The following PRKDC variants were observed in gnomAD, a reference collection of about 807,000 sequenced individuals.
The protein encoded by PRKDC is protein kinase, DNA-activated, catalytic subunit, also known as DNA-dependent protein kinase catalytic subunit.
In PRKDC, 82 loss-of-function variants were observed where a neutral mutation model predicts 486.9. The observed-to-expected ratio is 0.17, with a 90% confidence interval of 0.14 to 0.20. The LOEUF is 0.20. PRKDC is among the 10% of genes least tolerant of loss of function. The pLI, the probability that PRKDC is intolerant of heterozygous loss-of-function variation, is 1.00. For synonymous variants in PRKDC, 1,895 were observed against 1,837.0 expected, an observed-to-expected ratio of 1.03 and a Z score of -0.81; for missense variants, 4,504 against 5,038.2, an observed-to-expected ratio of 0.89 and a Z score of 3.21.
chr8:47,792,214 G>A (rs148797895), intron 74 of PRKDC, among the ~76,000 whole-genome samples: 1 of 151,716 alleles, frequency 6.6e-6, no homozygotes, highest in Non-Finnish European at 1.5e-5. Flanking sequence ...GGAAAAACAG[G>A]ATCTAGTATT....
At chr8:47,789,393 T>C (rs910300844) in intron 74 of PRKDC, among the ~76,000 whole-genome samples, 155 bp from the exon 75 acceptor site, 8 of 150,996 alleles carry the variant, frequency 5.3e-5, no homozygotes, top group Non-Finnish European at 8.9e-5. Context: ...ATCATATATA[T>C]ATAACCAACT....
At position 47,789,136 on chromosome 8, in the gene PRKDC, C is replaced by T. The variant is rs1237849063; in HGVS notation, c.10758+15G>A. The T allele has an allele frequency of 6.2e-7, 1 of 1,612,606 alleles. No homozygotes were observed. The highest frequency in any genetic ancestry group is 8.5e-7 in the Non-Finnish European group (1 of 1,179,166). ...ACTTATATGTTTTATGTGCCAGAAG[C>T]CGTTCTATCATTACCTTAAAGAGCA... On this transcript the variant is annotated intron_variant, in intron 75 of 85. Transcript: ENST00000314191.
At chr8:47,922,301 T>G (rs949271896) in intron 21 of PRKDC, among the ~76,000 whole-genome samples, 7 of 151,962 alleles carry the variant, frequency 4.6e-5, no homozygotes, top group South Asian at 2.1e-4. Context: ...TCCAGCTAAT[T>G]TTTAAAATTT....
In PRKDC at chr8:47,830,883, T is replaced by G. The variant is rs1046591623; in HGVS notation, c.8266-147A>C. On this transcript the variant is annotated intron_variant, in intron 60 of 85. Transcript: ENST00000314191. ...TCGCAGAGGCTCAGTCGCCGTACTT[T>G]ACCGTCTAGGGCAAACACTGCATCC... 37 of 932,090 alleles carry G rather than the reference T, an allele frequency of 4.0e-5. 1 individual carries two copies. Among genetic ancestry groups the G allele is most frequent in the Admixed American group, 1.6e-4 (7 of 44,508 alleles). 57.7% of individuals were successfully genotyped at this position (932,090 alleles called of 1,614,324 possible).
In PRKDC at chr8:47,943,203, T is replaced by C. The variant is rs1164491635; in HGVS notation, c.966+6A>G. ...TATTGTTAAATGACAGTTGAATTTG[T>C]GGTACCTGTTTCAGAAAGGATTCCA... On this transcript the variant is annotated splice_donor_region_variant and intron_variant, in intron 10 of 85. Transcript: ENST00000314191. 6.2e-6 allele frequency: 10 copies of C among 1,609,534 alleles called. No individual in the cohort carries two copies. Among genetic ancestry groups the C allele is most frequent in the African/African-American group, 1.3e-5 (1 of 74,698 alleles).
At chr8:47,957,944 G>T (rs1277605721) in intron 1 of PRKDC, among the ~76,000 whole-genome samples, 1 of 152,194 alleles carries the variant, frequency 6.6e-6, no homozygotes, top group Non-Finnish European at 1.5e-5. Flanking sequence ...TGGCCCCAAA[G>T]ATGCCTGCAT....
intron 31 of PRKDC, among the ~76,000 whole-genome samples, chr8:47,890,967 C>A (rs903394638): frequency 8.5e-5 from 13 of 152,188 alleles, no homozygotes; most frequent in African/African-American, 3.1e-4. Context: ...AGGACAGAGA[C>A]AAATTATGGA....
chr8:47,854,455 C>T (rs1337775238), intron 50 of PRKDC, among the ~76,000 whole-genome samples: 1 of 152,142 alleles, frequency 6.6e-6, no homozygotes. Flanking sequence ...TCTCCTGCCT[C>T]AGCCTCCCAA....
In PRKDC at chr8:47,943,511, T is replaced by C. The variant is rs8178007; in HGVS notation, c.809-145A>G. ...CACTACAGTAACCCAGGGATTCCTG[T>C]CAGAGCTCTAACACTACCAATTAAC... On this transcript the variant is annotated intron_variant, in intron 9 of 85. Coordinates refer to ENST00000314191, the MANE Select transcript of PRKDC (RefSeq NM_006904.7). 6.8e-4 allele frequency: 596 copies of C among 878,074 alleles called. 3 individuals carry two copies. The African/African-American group carries it at 9.6e-3, about 14-fold the overall frequency. The allele number at this position is 878,074 out of a possible 1,614,324, so 54.4% of individuals were successfully genotyped here.
intron 68 of PRKDC, among the ~76,000 whole-genome samples, chr8:47,809,768 C>G (rs117782174): frequency 1.3e-5 from 2 of 152,178 alleles, no homozygotes; most frequent in Non-Finnish European, 2.9e-5. Flanking sequence ...TCCCCAAGAA[C>G]TCTGAGTGAA....
intron 68 of PRKDC, among the ~76,000 whole-genome samples, chr8:47,815,570 A>T (rs932345033): frequency 5.3e-5 from 8 of 152,214 alleles, no homozygotes; most frequent in Admixed American, 5.2e-4. Flanking sequence ...CAAAATAAAT[A>T]AGGACAGTAT....
At chr8:47,951,404 A>T (rs1055121805) in intron 7 of PRKDC, among the ~76,000 whole-genome samples, 4 of 151,770 alleles carry the variant, frequency 2.6e-5, no homozygotes, top group African/African-American at 9.7e-5. Context: ...AAATATTTGC[A>T]ACTCATGTAT....
Position 47,912,442 on chromosome 8 carries a change from C to A in PRKDC, c.2902G>T (p.Val968Leu). The A allele has an allele frequency of 1.9e-6, 3 of 1,605,552 alleles. No individual in the cohort carries two copies. Among genetic ancestry groups the A allele is most frequent in the Non-Finnish European group, 2.6e-6 (3 of 1,176,108 alleles). Residue 968 changes from valine to leucine, a missense_variant, in exon 25 of 86, where the codon GTG (valine) becomes TTG (leucine). Transcript: ENST00000314191. ...MYQLYKRTFP[V>L]LLRLACDVDQ... Reference sequence around the variant, plus strand: ...ACATCACACGCAAGTCGAAGCAGCACAGGAAACGTCCGCTTATAGAGCTGG... The same window carrying A: ...ACATCACACGCAAGTCGAAGCAGCAAAGGAAACGTCCGCTTATAGAGCTGG...
chr8:47,904,128 C>A (rs181470248), intron 26 of PRKDC, among the ~76,000 whole-genome samples: 40 of 152,244 alleles, frequency 2.6e-4, no homozygotes, highest in Admixed American at 2.2e-3. Flanking sequence ...AGTGAGCTGG[C>A]GACCAAATTC....
intron 52 of PRKDC, 130 bp from the exon 53 acceptor site, chr8:47,849,633 G>A (rs796162734): frequency 2.2e-5 from 23 of 1,046,804 alleles, no homozygotes; most frequent in Non-Finnish European, 2.9e-5. Flanking sequence ...CAAGGTAGAT[G>A]ATGGGACAGT....
At chr8:47,901,922 T>C (rs1013360737) in intron 27 of PRKDC, among the ~76,000 whole-genome samples, 3 of 152,204 alleles carry the variant, frequency 2.0e-5, no homozygotes, top group African/African-American at 7.2e-5. Flanking sequence ...AATGGCCTGT[T>C]CACTGGTGTT....
intron 63 of PRKDC, among the ~76,000 whole-genome samples, chr8:47,825,342 C>T (rs1472249869): frequency 6.6e-6 from 1 of 151,950 alleles, no homozygotes; most frequent in Non-Finnish European, 1.5e-5. Context: ...AACCCCATCT[C>T]TACTAAAAAT....
intron 67 of PRKDC, among the ~76,000 whole-genome samples, chr8:47,818,868 T>TA (rs911572732): frequency 1.3e-5 from 2 of 152,214 alleles, no homozygotes; most frequent in African/African-American, 2.4e-5. Flanking sequence ...CTCTTCCCCT[T>TA]AGACTCTTGG....
chr8:47,790,097 T>C (rs754407962), intron 74 of PRKDC, among the ~76,000 whole-genome samples: 1 of 152,128 alleles, frequency 6.6e-6, no homozygotes, highest in Non-Finnish European at 1.5e-5. Context: ...AGGGTATCTA[T>C]ATTAGAAAGG....
Sources: allele counts gnomAD v4.1 joint callset (sites outside exome capture counted in the v4.1 genomes callset), GRCh38; gene constraint gnomAD v4.1.1; transcripts MANE v1.5; gene names NCBI Gene and HGNC (gene_info 2026-07-23, HGNC 2026-07-21).